Variants in MACROD2 observed in about 807,000 individuals in gnomAD.
The protein encoded by MACROD2 is mono-ADP ribosylhydrolase 2.
A neutral mutation model predicts 70.4 loss-of-function variants in MACROD2; 36 were observed. The ratio of observed to expected loss-of-function variants is 0.51; its 90% CI spans 0.39 to 0.68. The LOEUF (loss-of-function observed/expected upper bound fraction) is 0.68, where lower values mean the gene tolerates loss of function less well. Ranked by LOEUF, MACROD2 falls within the 30% of genes least tolerant of loss-of-function variation. The probability of loss-of-function intolerance (pLI) is 0.00; values close to 1 mark genes in which losing one functional copy is unlikely to be tolerated. For missense variants in MACROD2, 496 were observed against 538.4 expected, an observed-to-expected ratio of 0.92 and a Z score of 0.78; for synonymous variants, 172 against 178.8, an observed-to-expected ratio of 0.96 and a Z score of 0.30.
intron 9 of MACROD2, among the ~76,000 whole-genome samples, chr20:15,883,050 C>T (rs1218691600): frequency 6.6e-6 from 1 of 150,404 alleles, no homozygotes; most frequent in Admixed American, 6.6e-5. Flanking sequence ...AACAAACAAA[C>T]AAAACAAAAA....
chr20:15,064,786 G>A (rs1159820777), intron 5 of MACROD2, among the ~76,000 whole-genome samples: 5 of 152,096 alleles, frequency 3.3e-5, no homozygotes, highest in South Asian at 2.1e-4. Flanking sequence ...TCCGCAAAAC[G>A]GCACACTTGG....
chr20:15,039,144 T>C (rs2075336012), intron 5 of MACROD2, among the ~76,000 whole-genome samples: 1 of 152,142 alleles, frequency 6.6e-6, no homozygotes, highest in South Asian at 2.1e-4. Flanking sequence ...GGGAAAACTG[T>C]GTTTTTTTAA....
chr20:14,564,671 T>C (rs1034089317), intron 4 of MACROD2, among the ~76,000 whole-genome samples: 1 of 151,672 alleles, frequency 6.6e-6, no homozygotes, highest in Non-Finnish European at 1.5e-5. Flanking sequence ...AGAATAGCTA[T>C]TAAAAAGTCA....
At chr20:14,090,212 T>G (rs1190606987) in intron 3 of MACROD2, among the ~76,000 whole-genome samples, 1 of 152,194 alleles carries the variant, frequency 6.6e-6, no homozygotes. Flanking sequence ...TGTAGTTGTA[T>G]TTAATGAATA....
intron 5 of MACROD2, chr20:14,850,393 G>T (rs2073187322): frequency 6.5e-6 from 1 of 154,278 alleles, no homozygotes; most frequent in African/African-American, 2.4e-5. Context: ...CTCTCTCAGG[G>T]AATATCAGAG....
chr20:16,028,039 C>T (rs942019360), intron 15 of MACROD2, among the ~76,000 whole-genome samples: 1 of 152,216 alleles, frequency 6.6e-6, no homozygotes, highest in Admixed American at 6.5e-5. Context: ...GATCAGAATG[C>T]AGCTCAGTTA....
At chr20:15,515,143 T>C (rs563909005) in intron 8 of MACROD2, among the ~76,000 whole-genome samples, 97 of 152,332 alleles carry the variant, frequency 6.4e-4, no homozygotes, top group African/African-American at 2.2e-3. Flanking sequence ...AATGAAATAA[T>C]TTACAAATGG....
chr20:14,235,882 T>G (rs1409969503), intron 3 of MACROD2, among the ~76,000 whole-genome samples: 1 of 149,620 alleles, frequency 6.7e-6, no homozygotes, highest in Non-Finnish European at 1.5e-5. Context: ...GTTTCACTTT[T>G]CTTCTGGAAA....
chr20:15,058,667 AT>A (rs1330378617), intron 5 of MACROD2, among the ~76,000 whole-genome samples: 1 of 152,162 alleles, frequency 6.6e-6, no homozygotes, highest in Non-Finnish European at 1.5e-5. Flanking sequence ...CTACAACATT[AT>A]TTTTCCATGT....
chr20:15,946,175 A>G (rs79357536), intron 12 of MACROD2, among the ~76,000 whole-genome samples: 2,086 of 152,274 alleles, frequency 0.014, 44 homozygotes, highest in African/African-American at 0.047. Flanking sequence ...GCCTTACGCT[A>G]TAGCCCAACT....
At chr20:15,077,383 G>T (rs381053) in intron 5 of MACROD2, among the ~76,000 whole-genome samples, 24,812 of 152,050 alleles carry the variant, frequency 0.16, 2,725 homozygotes, top group Non-Finnish European at 0.24. Context: ...GTATGAATGA[G>T]TAGGGAAAAA....
chr20:14,041,906 G>GA (rs1480909019), intron 2 of MACROD2, among the ~76,000 whole-genome samples: 5 of 152,060 alleles, frequency 3.3e-5, no homozygotes, highest in African/African-American at 1.2e-4. Context: ...GGAGATGGGG[G>GA]AGACTCTTGA....
intron 5 of MACROD2, among the ~76,000 whole-genome samples, chr20:14,969,780 C>T (rs1298843287): frequency 6.6e-6 from 1 of 152,074 alleles, no homozygotes; most frequent in Non-Finnish European, 1.5e-5. Context: ...GGATCAGTTT[C>T]TTTCACTTTG....
intron 5 of MACROD2, among the ~76,000 whole-genome samples, chr20:15,130,986 A>G (rs1316811523): frequency 2.0e-5 from 3 of 152,076 alleles, no homozygotes; most frequent in African/African-American, 7.2e-5. Context: ...CAAAACTCCA[A>G]AACACTAACC....
chr20:14,960,124 G>A (rs907047676), intron 5 of MACROD2, among the ~76,000 whole-genome samples: 8 of 152,148 alleles, frequency 5.3e-5, no homozygotes, highest in African/African-American at 1.9e-4. Context: ...TTATATTCCT[G>A]ATTCAGTTTA....
chr20:14,410,664 G>C (rs2083740034), intron 3 of MACROD2, among the ~76,000 whole-genome samples: 1 of 152,144 alleles, frequency 6.6e-6, no homozygotes, highest in Admixed American at 6.6e-5. Flanking sequence ...GCAAGGCCCT[G>C]TTGCCTCCCA....
intron 8 of MACROD2, among the ~76,000 whole-genome samples, chr20:15,819,928 T>TTTATTG (rs1381189617): frequency 6.6e-6 from 1 of 152,122 alleles, no homozygotes; most frequent in East Asian, 1.9e-4. Flanking sequence ...CTCACCCCAA[T>TTTATTG]AAAAAAGAAC....
chr20:14,868,297 C>G (rs1036860961), intron 5 of MACROD2, among the ~76,000 whole-genome samples: 3 of 151,816 alleles, frequency 2.0e-5, no homozygotes, highest in African/African-American at 7.3e-5. Flanking sequence ...AAGGGATCCT[C>G]CTGCCTCAGC....
intron 4 of MACROD2, among the ~76,000 whole-genome samples, chr20:14,576,803 G>A (rs993149502): frequency 3.9e-5 from 6 of 152,026 alleles, no homozygotes; most frequent in Non-Finnish European, 7.4e-5. Context: ...TTATTTTCAG[G>A]GCTTATATTG....
Sources: gnomAD v4.1 joint callset for allele counts (sites outside exome capture counted in the v4.1 genomes callset) on GRCh38, gnomAD v4.1.1 for gene constraint, MANE v1.5 for transcripts, NCBI Gene and HGNC (gene_info 2026-07-23, HGNC 2026-07-21) for gene names.